The following FAP variants were observed in gnomAD, a reference collection of about 807,000 sequenced individuals.
The protein encoded by FAP is fibroblast activation protein alpha.
FAP carries 110 observed loss-of-function variants against 126.5 expected under a neutral mutation model. That is an observed-to-expected ratio of 0.87 (90% CI 0.74 to 1.02). The LOEUF (loss-of-function observed/expected upper bound fraction) is 1.02, where lower values mean the gene tolerates loss of function less well. Ranked by LOEUF, FAP falls within the 50% of genes least tolerant of loss-of-function variation. The probability of loss-of-function intolerance (pLI) is 0.00; values close to 1 mark genes in which losing one functional copy is unlikely to be tolerated. For synonymous variants in FAP, 334 were observed against 297.3 expected, an observed-to-expected ratio of 1.12 and a Z score of -1.27; for missense variants, 919 against 909.2, an observed-to-expected ratio of 1.01 and a Z score of -0.14.
intron 16 of FAP, 95 bp downstream of exon 16, chr2:162,198,662 T>C: frequency 7.2e-7 from 1 of 1,384,624 alleles, no homozygotes; most frequent in Non-Finnish European, 1.0e-6. Context: ...TAACAAATGC[T>C]CATTAACTGT....
intron 2 of FAP, among the ~76,000 whole-genome samples, chr2:162,226,913 G>A (rs1689678132): frequency 6.6e-6 from 1 of 152,132 alleles, no homozygotes; most frequent in African/African-American, 2.4e-5. Flanking sequence ...AGTAGCTGGG[G>A]CATGATTCTT....
chr2:162,239,012 A>G (rs911843399), intron 2 of FAP, among the ~76,000 whole-genome samples: 1 of 152,206 alleles, frequency 6.6e-6, no homozygotes, highest in Non-Finnish European at 1.5e-5. Flanking sequence ...TTATATATAT[A>G]TGTGTATGTA....
intron 12 of FAP, among the ~76,000 whole-genome samples, chr2:162,207,167 A>G (rs1008753460): frequency 6.6e-6 from 1 of 152,196 alleles, no homozygotes; most frequent in Admixed American, 6.5e-5. Context: ...AAGCTATTAA[A>G]TATACAATAT....
Position 162,173,796 on chromosome 2 carries a change from T to C in FAP, c.1970-9A>G, listed in dbSNP as rs1419607958. ...CTCTGTGTAGACAGACGCTATAAAATATATGAGAATATGCATTGTTTGCAT... is the reference window on the plus strand; with the variant it reads ...CTCTGTGTAGACAGACGCTATAAAACATATGAGAATATGCATTGTTTGCAT... On this transcript the variant is annotated splice_polypyrimidine_tract_variant and intron_variant, in intron 22 of 25. Transcript: ENST00000188790. 1 of 1,542,598 alleles carries C rather than the reference T, an allele frequency of 6.5e-7. No homozygotes were observed. Among genetic ancestry groups the C allele is most frequent in the Admixed American group, 1.7e-5 (1 of 59,806 alleles).
Position 162,183,425 on chromosome 2 carries a change from T to C in FAP, c.1858A>G (p.Ile620Val). 1 of 1,609,236 alleles carries C rather than the reference T, an allele frequency of 6.2e-7. No homozygotes were observed. Among genetic ancestry groups the C allele is most frequent in the Non-Finnish European group, 8.5e-7 (1 of 1,177,012 alleles). ...MGFIDEKRIA[I>V]WGWSYGGYVS... is the part of the protein sequence containing the mutation. ...ATAAAACAACTCACCCAGCCCCATATGGCTATTCTTTTTTCATCAATGAAA... is the reference window on the plus strand; with the variant it reads ...ATAAAACAACTCACCCAGCCCCATACGGCTATTCTTTTTTCATCAATGAAA... The change falls in exon 21 of 26, where the codon ATA (isoleucine) becomes GTA (valine). Residue 620 changes from isoleucine (I) to valine (V), a missense_variant. Coordinates refer to ENST00000188790, the MANE Select transcript of FAP (RefSeq NM_004460.5).
chr2:162,237,007 A>T (rs1428676434), intron 2 of FAP, among the ~76,000 whole-genome samples: 1 of 152,218 alleles, frequency 6.6e-6, no homozygotes, highest in Non-Finnish European at 1.5e-5. Flanking sequence ...TTTAATTTTG[A>T]TACTAAATAA....
intron 24 of FAP, 125 bp from the exon 25 acceptor site, chr2:162,173,009 T>G (rs1687369036): frequency 9.1e-7 from 1 of 1,093,452 alleles, no homozygotes; most frequent in Admixed American, 1.7e-5. Flanking sequence ...CAGCAGTGAG[T>G]AATCACACTC....
intron 3 of FAP, among the ~76,000 whole-genome samples, chr2:162,226,229 G>A (rs1689640476): frequency 6.6e-6 from 1 of 152,010 alleles, no homozygotes; most frequent in Admixed American, 6.6e-5. Context: ...CTCCTAAATA[G>A]GAATATATCT....
At chr2:162,210,426 A>G (rs1321694611) in intron 11 of FAP, among the ~76,000 whole-genome samples, 7 of 152,228 alleles carry the variant, frequency 4.6e-5, no homozygotes, top group Admixed American at 4.6e-4. Context: ...TTTACTGAAC[A>G]AACATTTAGT....
At chr2:162,239,425 C>A (rs1338138529) in intron 2 of FAP, among the ~76,000 whole-genome samples, 1 of 151,818 alleles carries the variant, frequency 6.6e-6, no homozygotes, top group Non-Finnish European at 1.5e-5. Context: ...TTTTGTTTTG[C>A]TTTTGCCCTA....
At chr2:162,213,361 C>G (rs566312528) in intron 11 of FAP, among the ~76,000 whole-genome samples, 1 of 145,434 alleles carries the variant, frequency 6.9e-6, no homozygotes, top group Non-Finnish European at 1.5e-5. Flanking sequence ...GGCGACAGAG[C>G]GAGACGCCAT....
At chr2:162,171,290 A>T (rs778835135) in intron 25 of FAP, 1 of 462,982 alleles carries the variant, frequency 2.2e-6, no homozygotes, top group African/African-American at 2.0e-5. Flanking sequence ...TGCTTTAAAC[A>T]TATTTTAGAT....
intron 21 of FAP, among the ~76,000 whole-genome samples, chr2:162,181,801 A>G (rs996385461): frequency 3.3e-5 from 5 of 152,226 alleles, no homozygotes; most frequent in Admixed American, 3.3e-4. Flanking sequence ...TAGAAAATGT[A>G]CTATGTAGAT....
At chr2:162,214,207 C>T in intron 10 of FAP, 134 bp from the exon 11 acceptor site, 1 of 646,128 alleles carries the variant, frequency 1.5e-6, no homozygotes, top group Non-Finnish European at 2.3e-6. Flanking sequence ...CAAGACAAAA[C>T]ATTCCTTTCT....
chr2:162,225,507 A>T lies in FAP; in HGVS notation c.261T>A (p.Tyr87Ter). ...CCATGGTTCTATTACTCAAAATGGT[A>T]TATGATTGTCCTGTTTCAATATTAT... ...VLYNIETGQS[Y>*]TILSNRTMKS... Residue 87 changes from tyrosine to a stop codon, truncating the protein, a stop_gained, in exon 4 of 26, where the codon TAT (tyrosine) becomes TAA (stop). Coordinates refer to ENST00000188790, the MANE Select transcript of FAP (RefSeq NM_004460.5). LOFTEE classifies it high-confidence loss of function. 3 of 1,600,934 alleles carry T rather than the reference A, an allele frequency of 1.9e-6. No homozygotes were observed. Among genetic ancestry groups the T allele is most frequent in the Non-Finnish European group, 2.6e-6 (3 of 1,172,396 alleles).
At chr2:162,196,106 C>T (rs1688243621) in intron 16 of FAP, among the ~76,000 whole-genome samples, 1 of 152,142 alleles carries the variant, frequency 6.6e-6, no homozygotes, top group Non-Finnish European at 1.5e-5. Context: ...ATGGTGGCTG[C>T]CCTGTCATAC....
intron 14 of FAP, 69 bp downstream of exon 14, chr2:162,202,803 C>T: frequency 1.8e-6 from 2 of 1,110,956 alleles, no homozygotes; most frequent in Non-Finnish European, 2.7e-6. Context: ...AGAGTTGGTA[C>T]AGTATCATTT....
intron 2 of FAP, among the ~76,000 whole-genome samples, chr2:162,235,498 T>G (rs1690091008): frequency 6.6e-6 from 1 of 152,190 alleles, no homozygotes; most frequent in African/African-American, 2.4e-5. Flanking sequence ...TGTGTCTAGC[T>G]CAGGGTTTGT....
At chr2:162,213,525 G>T (rs1689044824) in intron 11 of FAP, among the ~76,000 whole-genome samples, 1 of 149,292 alleles carries the variant, frequency 6.7e-6, no homozygotes, top group Admixed American at 6.7e-5. Flanking sequence ...TGCCCCATTT[G>T]CATTTCTTCT....
Sources: allele counts gnomAD v4.1 joint callset (sites outside exome capture counted in the v4.1 genomes callset), GRCh38; gene constraint gnomAD v4.1.1; transcripts MANE v1.5; gene names NCBI Gene and HGNC (gene_info 2026-07-23, HGNC 2026-07-21).